Variants in RNF130 observed in about 807,000 individuals in gnomAD.
RNF130 encodes E3 ubiquitin-protein ligase RNF130.
A neutral mutation model predicts 44.6 loss-of-function variants in RNF130; 21 were observed. The ratio of observed to expected loss-of-function variants is 0.47; its 90% CI spans 0.33 to 0.68. RNF130 has a LOEUF of 0.68. Among genes scored for constraint, RNF130 ranks in the 30% least tolerant of loss-of-function variants. The pLI, the probability that RNF130 is intolerant of heterozygous loss-of-function variation, is 0.02. For synonymous variants in RNF130, 214 were observed against 210.4 expected, an observed-to-expected ratio of 1.02 and a Z score of -0.15; for missense variants, 479 against 560.6, an observed-to-expected ratio of 0.85 and a Z score of 1.47.
chr5:180,012,750 CAA>C (rs1488552399), intron 3 of RNF130, among the ~76,000 whole-genome samples: 2 of 152,098 alleles, frequency 1.3e-5, no homozygotes, highest in South Asian at 2.1e-4. Context: ...CAGAAACATC[CAA>C]AGTTACTGGT....
intron 3 of RNF130, among the ~76,000 whole-genome samples, chr5:180,003,761 A>G (rs1430656992): frequency 2.0e-5 from 3 of 152,194 alleles, no homozygotes; most frequent in Non-Finnish European, 4.4e-5. Context: ...GAGGTACAAA[A>G]TTCTTCCATG....
intron 3 of RNF130, among the ~76,000 whole-genome samples, chr5:180,010,505 G>T (rs867238934): frequency 6.6e-6 from 1 of 151,990 alleles, no homozygotes; most frequent in Non-Finnish European, 1.5e-5. Flanking sequence ...GACTACAGGC[G>T]CATGGCACCT....
chr5:180,033,361 TG>T (rs1437611682), intron 2 of RNF130, among the ~76,000 whole-genome samples: 2 of 152,246 alleles, frequency 1.3e-5, no homozygotes, highest in Non-Finnish European at 2.9e-5. Context: ...AAGTTTTTGT[TG>T]TTAGGCTATT....
chr5:180,067,063 C>T (rs962992751), intron 1 of RNF130, among the ~76,000 whole-genome samples: 1 of 152,084 alleles, frequency 6.6e-6, no homozygotes, highest in Non-Finnish European at 1.5e-5. Flanking sequence ...TACCAATTTA[C>T]AGTCACACCT....
chr5:180,060,898 T>A (rs1401877336), intron 1 of RNF130, among the ~76,000 whole-genome samples: 4 of 151,700 alleles, frequency 2.6e-5, no homozygotes, highest in African/African-American at 9.7e-5. Flanking sequence ...TGAAACCCCG[T>A]CTCTACTAAA....
At chr5:179,914,864 TA>T (rs1259346990) in exon 8 of RNF130, 1 of 152,044 alleles carries the variant, frequency 6.6e-6, no homozygotes, top group Non-Finnish European at 1.5e-5. Flanking sequence ...GCTCTGTCTC[TA>T]AAAAAAATTT....
intron 8 of RNF130, among the ~76,000 whole-genome samples, chr5:179,962,901 C>A (rs979465344): frequency 3.3e-5 from 5 of 152,170 alleles, no homozygotes; most frequent in African/African-American, 9.7e-5. Context: ...CGTCATGGAG[C>A]CTGCTCTTTG....
chr5:179,946,495 A>C (rs1419258414), intron 7 of RNF130, among the ~76,000 whole-genome samples: 2 of 152,208 alleles, frequency 1.3e-5, no homozygotes, highest in Non-Finnish European at 2.9e-5. Context: ...AATTTCTACA[A>C]ATGTACTAGC....
At chr5:179,920,294 A>C (rs1432735256) in exon 8 of RNF130, 2 of 689,522 alleles carry the variant, frequency 2.9e-6, no homozygotes, top group Admixed American at 4.0e-5. Flanking sequence ...CAGTGACCCC[A>C]ACAGCCAGGC....
Position 180,040,731 on chromosome 5 carries a change from C to T in RNF130, c.248-84G>A, listed in dbSNP as rs1764388859. The T allele has an allele frequency of 1.8e-5, 23 of 1,288,660 alleles. No homozygotes were observed. The South Asian group carries it at 2.9e-4, about 16-fold the overall frequency. The allele number at this position is 1,288,660 out of a possible 1,614,324, so 79.8% of individuals were successfully genotyped here. A position where few individuals can be genotyped will look rare whatever the true frequency, so the allele number is the denominator to read the frequency against. On this transcript the variant is annotated intron_variant, in intron 1 of 8. Coordinates refer to ENST00000521389, the MANE Select transcript of RNF130 (RefSeq NM_018434.6). Reference sequence around the variant, plus strand: ...AAAGTGTCAACTGCTTTCTGAATACCACACAGAGCTAAAGCACGTGAAGCA... The same window carrying T: ...AAAGTGTCAACTGCTTTCTGAATACTACACAGAGCTAAAGCACGTGAAGCA...
chr5:180,023,173 A>T (rs890747182), intron 2 of RNF130, among the ~76,000 whole-genome samples: 1 of 152,244 alleles, frequency 6.6e-6, no homozygotes, highest in South Asian at 2.1e-4. Flanking sequence ...AATTGGAGAC[A>T]TAAGTATGAA....
chr5:179,957,754 A>C (rs907522124), intron 8 of RNF130, among the ~76,000 whole-genome samples: 1 of 152,242 alleles, frequency 6.6e-6, no homozygotes, highest in African/African-American at 2.4e-5. Context: ...TACCAAGAGA[A>C]AGAAAAGGAT....
Position 180,013,091 on chromosome 5 carries a change from G to T in RNF130, c.663C>A (p.Ile221=). The T allele has an allele frequency of 6.2e-7, 1 of 1,613,830 alleles. No individual in the cohort carries two copies. Among genetic ancestry groups the T allele is most frequent in the South Asian group, 1.1e-5 (1 of 91,058 alleles). The part of the protein sequence containing the change: ...AWLIFYFIQK[I]RYTNARDRNQ... ...TCCTGTCGCGTGCATTTGTGTACCT[G>T]ATCTTCTGAATGAAGTAGAATATGA... The change falls in exon 3 of 9, where the codon ATC becomes ATA. Residue 221 remains isoleucine (I), a synonymous_variant. Coordinates refer to ENST00000521389, the MANE Select transcript of RNF130 (RefSeq NM_018434.6).
chr5:180,014,616 T>C (rs1763671598), intron 2 of RNF130, among the ~76,000 whole-genome samples: 1 of 152,216 alleles, frequency 6.6e-6, no homozygotes, highest in African/African-American at 2.4e-5. Context: ...GTTTTACATG[T>C]TTCATTTACC....
intron 2 of RNF130, among the ~76,000 whole-genome samples, chr5:180,019,078 G>A (rs1170098607): frequency 6.6e-6 from 1 of 152,154 alleles, no homozygotes; most frequent in African/African-American, 2.4e-5. Flanking sequence ...TATACTTTAA[G>A]TGAAAAAGAT....
At chr5:179,925,247 C>G (rs1431932214) in intron 7 of RNF130, among the ~76,000 whole-genome samples, 1 of 151,698 alleles carries the variant, frequency 6.6e-6, no homozygotes, top group Non-Finnish European at 1.5e-5. Flanking sequence ...CTCCAGGGAG[C>G]GGAGAGGGGC....
Position 180,013,205 on chromosome 5 carries a change from A to G in RNF130, c.549T>C (p.Thr183=). The G allele has an allele frequency of 6.2e-7, 1 of 1,614,230 alleles. No individual in the cohort carries two copies. The highest frequency in any genetic ancestry group is 8.5e-7 in the Non-Finnish European group (1 of 1,180,040). Residue 183 remains threonine (T), a synonymous_variant, in exon 3 of 9, where the codon ACT becomes ACC. Transcript: ENST00000521389. ...ISVQMTIAVG[T]RMPPKNFSRG... is the part of the protein sequence containing the mutation. ...GGCTGAAGTTCTTCGGTGGCATTCG[A>G]GTTCCAACAGCTATTGTCATTTGTA...
At chr5:180,070,951 C>G (rs1765242099) in intron 1 of RNF130, among the ~76,000 whole-genome samples, 3 of 151,050 alleles carry the variant, frequency 2.0e-5, no homozygotes, top group Non-Finnish European at 2.9e-5. Flanking sequence ...GAGCCAAAAG[C>G]AACAGGGAAG....
At chr5:180,028,177 C>G (rs1407643096) in intron 2 of RNF130, among the ~76,000 whole-genome samples, 1 of 152,186 alleles carries the variant, frequency 6.6e-6, no homozygotes, top group Non-Finnish European at 1.5e-5. Flanking sequence ...TCAACTCCGA[C>G]TCGGATGCTG....
Sources: gnomAD v4.1 joint callset for allele counts (sites outside exome capture counted in the v4.1 genomes callset) on GRCh38, gnomAD v4.1.1 for gene constraint, MANE v1.5 for transcripts, NCBI Gene and HGNC (gene_info 2026-07-23, HGNC 2026-07-21) for gene names.